Variants in ADGRF5 observed in about 807,000 individuals in gnomAD.
ADGRF5 encodes G-protein coupled receptor 116.
In ADGRF5, 75 loss-of-function variants were observed where a neutral mutation model predicts 132.3. The ratio of observed to expected loss-of-function variants is 0.57; its 90% CI spans 0.47 to 0.69. The LOEUF is 0.69. Ranked by LOEUF, ADGRF5 falls within the 30% of genes least tolerant of loss-of-function variation. The pLI is 0.00. For missense variants in ADGRF5, 1,516 were observed against 1,630.6 expected (o/e 0.93, Z 1.21); for synonymous variants, 629 against 597.6 (o/e 1.05, Z -0.77).
intron 3 of ADGRF5, among the ~76,000 whole-genome samples, chr6:46,889,202 TATAA>T (rs1419161719): frequency 1.4e-5 from 2 of 141,754 alleles, no homozygotes; most frequent in African/African-American, 5.5e-5. Flanking sequence ...TATATATATA[TATAA>T]AATATATAGA....
intron 2 of ADGRF5, among the ~76,000 whole-genome samples, chr6:46,902,644 C>T (rs547911850): frequency 2.0e-5 from 3 of 152,234 alleles, no homozygotes; most frequent in Admixed American, 1.3e-4. Flanking sequence ...TGAAGATTTC[C>T]GGAATCTTTA....
intron 14 of ADGRF5, 109 bp downstream of exon 14, chr6:46,864,933 T>G: frequency 1.3e-6 from 1 of 742,472 alleles, no homozygotes; most frequent in Non-Finnish European, 2.3e-6. Flanking sequence ...CCTACCACAG[T>G]GAGGGTATTT....
At chr6:46,862,468 G>C (rs970426148) in intron 15 of ADGRF5, among the ~76,000 whole-genome samples, 2 of 152,048 alleles carry the variant, frequency 1.3e-5, no homozygotes, top group Non-Finnish European at 2.9e-5. Flanking sequence ...ATCAAGCCCA[G>C]CTATTTTTTT....
At chr6:46,933,794 G>A (rs190116291) in intron 1 of ADGRF5, among the ~76,000 whole-genome samples, 120 of 152,202 alleles carry the variant, frequency 7.9e-4, no homozygotes, top group Non-Finnish European at 1.3e-3. Context: ...TCATAACTAC[G>A]TCACCTTCTA....
chr6:46,877,321 C>CT (rs1562175319), intron 10 of ADGRF5, among the ~76,000 whole-genome samples: 50 of 25,438 alleles, frequency 2.0e-3, no homozygotes, highest in African/African-American at 6.4e-3. Context: ...TTCCTTCCTT[C>CT]CTTCTTTCTT....
upstream of ADGRF5, among the ~76,000 whole-genome samples, chr6:46,923,551 C>A (rs183964182): frequency 1.8e-4 from 27 of 152,298 alleles, no homozygotes; most frequent in Admixed American, 1.2e-3. Flanking sequence ...ATTGGATACA[C>A]CCTAACTTAA....
At chr6:46,925,041 C>A (rs1777180647), upstream of ADGRF5, among the ~76,000 whole-genome samples, 1 of 152,134 alleles carries the variant, frequency 6.6e-6, no homozygotes, top group Non-Finnish European at 1.5e-5. Flanking sequence ...TTATAAAATA[C>A]AAGTTATATA....
chr6:46,908,874 G>C (rs969322455), intron 1 of ADGRF5: 1 of 152,118 alleles, frequency 6.6e-6, no homozygotes, highest in Non-Finnish European at 1.5e-5. Context: ...TCAAAAGAAA[G>C]GAGAAAGCCA....
intron 2 of ADGRF5, among the ~76,000 whole-genome samples, chr6:46,904,486 T>C (rs1238005323): frequency 1.3e-5 from 2 of 152,110 alleles, no homozygotes; most frequent in Non-Finnish European, 2.9e-5. Context: ...ACAGGAGTTA[T>C]CTAGAATCAC....
chr6:46,922,306 G>T (rs974996293), upstream of ADGRF5, among the ~76,000 whole-genome samples: 1 of 152,114 alleles, frequency 6.6e-6, no homozygotes, highest in African/African-American at 2.4e-5. Context: ...CAAGAAAGCA[G>T]AGAAAAAAAG....
rs1388865911 is a variant in ADGRF5 at position 46,877,303 on chromosome 6, C to CCTTCCTTCCT, written c.1240+898_1240+899insAGGAAGGAAG. Among the ~76,000 whole-genome samples, 268 of 70,178 alleles carry CCTTCCTTCCT rather than the reference C, an allele frequency of 3.8e-3. 3 individuals carry two copies. The highest frequency in any genetic ancestry group is 9.5e-3 in the African/African-American group (165 of 17,312). 46.0% of individuals were successfully genotyped at this position (70,178 alleles called of 152,430 possible). ...TCTTTCTTTCTTTCTCTCTCTCTCTCTCTTTCCTTCCTTCCTTCCTTCTTT... is the reference window on the plus strand; with the variant it reads ...TCTTTCTTTCTTTCTCTCTCTCTCTCCTTCCTTCCTTCTTTCCTTCCTTCCTTCCTTCTTT... On this transcript the variant is annotated intron_variant, in intron 10 of 20. Transcript: ENST00000283296.
At chr6:46,867,182 C>T in intron 12 of ADGRF5, 45 bp from the exon 13 acceptor site, 1 of 1,118,710 alleles carries the variant, frequency 8.9e-7, no homozygotes, top group Non-Finnish European at 1.4e-6. Flanking sequence ...AAATAATCGC[C>T]CTTCAAAAGC....
At chr6:46,908,279 T>C (rs891970231) in intron 1 of ADGRF5, among the ~76,000 whole-genome samples, 3 of 152,234 alleles carry the variant, frequency 2.0e-5, no homozygotes, top group African/African-American at 7.2e-5. Context: ...AGCAATGTAC[T>C]GCTTAATTTT....
chr6:46,919,718 G>A (rs1378087615), intron 1 of ADGRF5, among the ~76,000 whole-genome samples: 1 of 152,176 alleles, frequency 6.6e-6, no homozygotes, highest in Non-Finnish European at 1.5e-5. Context: ...TCTGGAGAAG[G>A]GACAAAGGCA....
chr6:46,874,602 A>G (rs1206340749), intron 10 of ADGRF5, among the ~76,000 whole-genome samples: 1 of 152,224 alleles, frequency 6.6e-6, no homozygotes, highest in Non-Finnish European at 1.5e-5. Flanking sequence ...TTTAATAGAT[A>G]GAAATGGCGG....
rs202152357 is a variant in ADGRF5 at position 46,882,069 on chromosome 6, G to A, written c.651C>T (p.Gly217=). ...CTTACTTGAACCCTGTCACAGTCACGCCCTTGAAGCCTGGTAAAATTCCGT... is the reference window on the plus strand; with the variant it reads ...CTTACTTGAACCCTGTCACAGTCACACCCTTGAAGCCTGGTAAAATTCCGT... The part of the protein sequence containing the change: ...KGYGILPGFK[G]VTVTGFKSGS... The change falls in exon 7 of 21, where the codon GGC becomes GGT. Residue 217 remains glycine, a synonymous_variant. Coordinates refer to ENST00000283296, the MANE Select transcript of ADGRF5 (RefSeq NM_001098518.2). The A allele has an allele frequency of 4.2e-5, 67 of 1,610,038 alleles. No individual in the cohort carries two copies. In the East Asian group the frequency reaches 4.5e-4, roughly 11 times the overall value.
At chr6:46,889,248 T>C (rs2150856735) in intron 3 of ADGRF5, among the ~76,000 whole-genome samples, 1 of 146,698 alleles carries the variant, frequency 6.8e-6, no homozygotes, top group South Asian at 2.1e-4. Flanking sequence ...AGTCTCTATA[T>C]AGAATTATAT....
At chr6:46,904,056 T>C (rs534508743) in intron 2 of ADGRF5, among the ~76,000 whole-genome samples, 2 of 152,078 alleles carry the variant, frequency 1.3e-5, no homozygotes, top group Non-Finnish European at 2.9e-5. Context: ...AGCCTGTAAC[T>C]CTAAGATGGT....
chr6:46,860,645 T>G, intron 16 of ADGRF5, 70 bp downstream of exon 16: 1 of 1,137,068 alleles, frequency 8.8e-7, no homozygotes, highest in Non-Finnish European at 1.3e-6. Context: ...GGAATTACGT[T>G]TCTTGAATAC....
Sources: allele counts gnomAD v4.1 joint callset (sites outside exome capture counted in the v4.1 genomes callset), GRCh38; gene constraint gnomAD v4.1.1; transcripts MANE v1.5; gene names NCBI Gene and HGNC (gene_info 2026-07-23, HGNC 2026-07-21).